RIC8B: variants seen among roughly 807,000 people sequenced by gnomAD.
RIC8B encodes the protein chaperone Ric-8B.
RIC8B carries 16 observed loss-of-function variants against 57.5 expected under a neutral mutation model. The ratio of observed to expected loss-of-function variants is 0.28; its 90% CI spans 0.19 to 0.42. The LOEUF (loss-of-function observed/expected upper bound fraction) is 0.42. RIC8B is among the 10% of genes least tolerant of loss of function. The probability of loss-of-function intolerance (pLI) is 1.00; values close to 1 mark genes in which losing one functional copy is unlikely to be tolerated. For synonymous variants in RIC8B, 216 were observed against 250.8 expected, an observed-to-expected ratio of 0.86 and a Z score of 1.31; for missense variants, 481 against 677.0, an observed-to-expected ratio of 0.71 and a Z score of 3.21.
intron 2 of RIC8B, among the ~76,000 whole-genome samples, chr12:106,812,935 A>T (rs1335018404): frequency 6.6e-6 from 1 of 152,154 alleles, no homozygotes; most frequent in Non-Finnish European, 1.5e-5. Context: ...TTCCACATCT[A>T]TTTAGAGAAC....
In RIC8B at chr12:106,843,963, A is replaced by C; in HGVS notation, c.1161+16A>C. 6.5e-7 allele frequency: 1 copy of C among 1,528,158 alleles called. No homozygotes were observed. Among genetic ancestry groups the C allele is most frequent in the South Asian group, 1.1e-5 (1 of 88,604 alleles). 94.7% of individuals were successfully genotyped at this position (1,528,158 alleles called of 1,614,324 possible). On this transcript the variant is annotated intron_variant, in intron 6 of 9. Coordinates refer to ENST00000392837, the MANE Select transcript of RIC8B (RefSeq NM_001330145.2). Reference sequence around the variant, plus strand: ...CAAAGATCAGGTAACTGCTTAATGCATATTACATTGCAAAGTTAGTCTTTT... The same window carrying C: ...CAAAGATCAGGTAACTGCTTAATGCCTATTACATTGCAAAGTTAGTCTTTT...
chr12:106,788,524 G>A (rs547424510), intron 2 of RIC8B, among the ~76,000 whole-genome samples: 149 of 152,308 alleles, frequency 9.8e-4, no homozygotes, highest in African/African-American at 3.3e-3. Flanking sequence ...CTTTTGCCTG[G>A]GCATCCAGGC....
At chr12:106,794,097 CAG>C (rs2136204707) in intron 2 of RIC8B, among the ~76,000 whole-genome samples, 1 of 152,192 alleles carries the variant, frequency 6.6e-6, no homozygotes, top group South Asian at 2.1e-4. Flanking sequence ...GAAATCAATA[CAG>C]AGATAGAAGT....
In RIC8B at chr12:106,848,939, A is replaced by G. The variant is rs188245233; in HGVS notation, c.1162-2511A>G. Among the ~76,000 whole-genome samples, 108 of 152,318 alleles carry G rather than the reference A, an allele frequency of 7.1e-4. 1 individual carries two copies. The highest frequency in any genetic ancestry group is 1.1e-3 in the Non-Finnish European group (75 of 68,026). On this transcript the variant is annotated intron_variant, in intron 6 of 9. Coordinates refer to ENST00000392837, the MANE Select transcript of RIC8B (RefSeq NM_001330145.2). Reference sequence around the variant, plus strand: ...AGATCTGCTGTACAACATTGTACCTATAGAATGATGGTTACCAGAGGCTGG... The same window carrying G: ...AGATCTGCTGTACAACATTGTACCTGTAGAATGATGGTTACCAGAGGCTGG...
intron 7 of RIC8B, among the ~76,000 whole-genome samples, chr12:106,855,427 C>G (rs1353549512): frequency 1.8e-4 from 2 of 11,052 alleles, no homozygotes; most frequent in Non-Finnish European, 2.7e-4. Context: ...TGCTTAACAT[C>G]TTGAAAAACT....
At chr12:106,795,640 CAAAG>C (rs1248473461) in intron 2 of RIC8B, among the ~76,000 whole-genome samples, 1 of 152,018 alleles carries the variant, frequency 6.6e-6, no homozygotes, top group East Asian at 1.9e-4. Context: ...ATGTGGCTGA[CAAAG>C]AGAAGGGAAG....
chr12:106,802,712 A>G (rs555855077), intron 2 of RIC8B, among the ~76,000 whole-genome samples: 1 of 152,218 alleles, frequency 6.6e-6, no homozygotes, highest in South Asian at 2.1e-4. Context: ...GTATCACTAG[A>G]TACCAGTAAA....
intron 1 of RIC8B, among the ~76,000 whole-genome samples, chr12:106,777,878 T>A (rs1566022224): frequency 6.6e-6 from 1 of 152,212 alleles, no homozygotes; most frequent in Non-Finnish European, 1.5e-5. Context: ...CCAGGGTACC[T>A]AAGAGGTGTG....
intron 9 of RIC8B, among the ~76,000 whole-genome samples, chr12:106,884,840 T>C (rs1951102077): frequency 6.6e-6 from 1 of 152,182 alleles, no homozygotes; most frequent in Non-Finnish European, 1.5e-5. Flanking sequence ...CTTCTTTCTG[T>C]TGGCCTAAGG....
intron 2 of RIC8B, among the ~76,000 whole-genome samples, chr12:106,791,163 A>G (rs113653875): frequency 0.014 from 2,128 of 152,318 alleles, 56 homozygotes; most frequent in African/African-American, 0.049. Context: ...AGCAGGATAC[A>G]GTGCAAAAGT....
chr12:106,846,280 T>G (rs1243716369), intron 6 of RIC8B, among the ~76,000 whole-genome samples: 2 of 152,208 alleles, frequency 1.3e-5, no homozygotes, highest in Non-Finnish European at 1.5e-5. Flanking sequence ...CTTCCCCTTC[T>G]TTCCACATTT....
intron 1 of RIC8B, among the ~76,000 whole-genome samples, chr12:106,781,033 G>A (rs1443188040): frequency 1.3e-5 from 2 of 152,226 alleles, no homozygotes; most frequent in Non-Finnish European, 2.9e-5. Flanking sequence ...TATTCATGGA[G>A]TATGAAACCT....
intron 2 of RIC8B, among the ~76,000 whole-genome samples, chr12:106,786,296 C>T (rs1286977521): frequency 6.6e-6 from 1 of 151,878 alleles, no homozygotes; most frequent in Non-Finnish European, 1.5e-5. Flanking sequence ...ACTACAGGCG[C>T]CCGCAACCAC....
intron 1 of RIC8B, chr12:106,775,314 T>G: frequency 2.2e-6 from 1 of 456,170 alleles, no homozygotes; most frequent in Non-Finnish European, 4.4e-6. Context: ...TGGTCTCCTT[T>G]GATCCTCAGA....
At chr12:106,832,942 G>A (rs1230229) in intron 4 of RIC8B, among the ~76,000 whole-genome samples, 137,438 of 152,184 alleles carry the variant, frequency 0.9, 62,304 homozygotes, top group East Asian at 1. Flanking sequence ...TAGTTCTTCA[G>A]TCTCTTCTTT....
chr12:106,867,169 A>C lies in RIC8B; in HGVS notation c.1452-3654A>C, dbSNP rs1950176658. 6.6e-6 allele frequency among the ~76,000 whole-genome samples: 1 copy of C among 152,220 alleles called. No individual in the cohort carries two copies. The highest frequency in any genetic ancestry group is 1.5e-5 in the Non-Finnish European group (1 of 68,044). On this transcript the variant is annotated intron_variant, in intron 8 of 9. Coordinates refer to ENST00000392837, the MANE Select transcript of RIC8B (RefSeq NM_001330145.2). The surrounding 1 kb of genome is among the most constrained non-coding windows in gnomAD (Gnocchi z 4.3). ...CAAAAATTTGAAGAAAGAGCAAAAG[A>C]CTTGAAATACAGTTCAGGTTTTATA...
At position 106,842,824 on chromosome 12, in the gene RIC8B, C is replaced by T; in HGVS notation, c.1065+7C>T. 1 of 1,562,856 alleles carries T rather than the reference C, an allele frequency of 6.4e-7. No individual in the cohort carries two copies. Among genetic ancestry groups the T allele is most frequent in the Non-Finnish European group, 8.8e-7 (1 of 1,135,220 alleles). On this transcript the variant is annotated splice_region_variant and intron_variant, in intron 5 of 9. Transcript: ENST00000392837. ...GGAGAAGAGAATAGACAAGGTAAGG[C>T]TGATAAAATGGAAGCCCTGGGAAGA...
chr12:106,866,344 T>C (rs1250558770), intron 8 of RIC8B, among the ~76,000 whole-genome samples: 1 of 152,190 alleles, frequency 6.6e-6, no homozygotes, highest in Non-Finnish European at 1.5e-5. Context: ...CTCGTCAAGC[T>C]TCTACATCTA....
intron 7 of RIC8B, among the ~76,000 whole-genome samples, chr12:106,852,585 T>A: frequency 6.6e-6 from 1 of 152,210 alleles, no homozygotes; most frequent in East Asian, 1.9e-4. Flanking sequence ...ATAATCTCAT[T>A]TAATTCTCAT....
Sources: gnomAD v4.1 joint callset for allele counts (sites outside exome capture counted in the v4.1 genomes callset) on GRCh38, gnomAD v4.1.1 for gene constraint, Gnocchi (gnomAD v3.1) non-coding constraint, MANE v1.5 for transcripts, NCBI Gene and HGNC (gene_info 2026-07-23, HGNC 2026-07-21) for gene names.